Variants in LOXL2 observed in about 807,000 individuals in gnomAD.
The protein encoded by LOXL2 is lysyl oxidase like 2.
Under a neutral mutation model 93.0 loss-of-function variants are expected in LOXL2, and 70 were observed. That is an observed-to-expected ratio of 0.75 (90% confidence interval 0.62 to 0.92). The LOEUF is 0.92. Among genes scored for constraint, LOXL2 ranks in the 40% least tolerant of loss-of-function variants. The pLI is 0.00. For missense variants in LOXL2, 973 were observed against 1,054.9 expected (o/e 0.92, Z 1.08); for synonymous variants, 438 against 413.2 (o/e 1.06, Z -0.73).
intron 2 of LOXL2, 36 bp from the exon 3 acceptor site, chr8:23,360,301 C>T (rs779320998): frequency 1.2e-5 from 19 of 1,524,792 alleles, no homozygotes; most frequent in Admixed American, 3.7e-5. Flanking sequence ...CCAAGTGCTG[C>T]GTCAATGCAG....
In LOXL2 at chr8:23,341,213, A is replaced by C; in HGVS notation, c.532-10T>G. 2 of 1,609,530 alleles carry C rather than the reference A, an allele frequency of 1.2e-6. No homozygotes were observed. Among genetic ancestry groups the C allele is most frequent in the Non-Finnish European group, 1.7e-6 (2 of 1,176,978 alleles). The stretch of plus-strand genomic sequence containing the variant: ...CCTGGATATTCAGGTTCTGGGAAGA[A>C]AGAGGCGTGGAAGGAGAGGGTTACC... On this transcript the variant is annotated splice_polypyrimidine_tract_variant and intron_variant, in intron 3 of 13. Transcript: ENST00000389131.
chr8:23,319,767 C>T, intron 8 of LOXL2, 118 bp downstream of exon 8: 1 of 1,165,094 alleles, frequency 8.6e-7, no homozygotes, highest in South Asian at 1.5e-5. Context: ...TCCAGGGCAA[C>T]TTGCTCTGTC....
Position 23,348,750 on chromosome 8 carries a change from A to G in LOXL2, c.532-7547T>C, listed in dbSNP as rs183426803. Among the ~76,000 whole-genome samples, 322 of 151,840 alleles carry G rather than the reference A, an allele frequency of 2.1e-3. 4 individuals are homozygous for G. The highest frequency in any genetic ancestry group is 7.4e-3 in the African/African-American group (305 of 41,398). On this transcript the variant is annotated intron_variant, in intron 3 of 13. Coordinates refer to ENST00000389131, the MANE Select transcript of LOXL2 (RefSeq NM_002318.3). ...AATTTAGCTGGGCATGGTGGCGGGC[A>G]CCTGTAGTCCCAGCTACTCAGGAGG...
At chr8:23,369,410 C>T (rs575511511) in intron 1 of LOXL2, among the ~76,000 whole-genome samples, 1 of 151,958 alleles carries the variant, frequency 6.6e-6, no homozygotes, top group African/African-American at 2.4e-5. Context: ...GGGCCCCAAA[C>T]CAGGATGAGC....
At position 23,346,116 on chromosome 8, in the gene LOXL2, TTAAAATAAAA is replaced by T. The variant is rs1241283477; in HGVS notation, c.532-4923_532-4914del. 3.8e-4 allele frequency among the ~76,000 whole-genome samples: 9 copies of T among 23,792 alleles called. 1 individual carries two copies. Among genetic ancestry groups the T allele is most frequent in the Admixed American group, 8.2e-4 (2 of 2,434 alleles). The allele number at this position is 23,792 out of a possible 152,430, so 15.6% of individuals were successfully genotyped here. On this transcript the variant is annotated intron_variant, in intron 3 of 13. Coordinates refer to ENST00000389131, the MANE Select transcript of LOXL2 (RefSeq NM_002318.3). The stretch of plus-strand genomic sequence containing the variant: ...TAAAATAAAATAAAATAAAATAAAA[TTAAAATAAAA>T]TAAAATAAAATAAAATAAATAAAAT...
At chr8:23,382,235 C>CG (rs1554483609) in intron 1 of LOXL2, among the ~76,000 whole-genome samples, 1 of 152,040 alleles carries the variant, frequency 6.6e-6, no homozygotes, top group Non-Finnish European at 1.5e-5. Flanking sequence ...ATGCAATCAG[C>CG]GGCCAGGCAC....
At chr8:23,348,804 G>A (rs1804038412) in intron 3 of LOXL2, among the ~76,000 whole-genome samples, 1 of 152,056 alleles carries the variant, frequency 6.6e-6, no homozygotes, top group African/African-American at 2.4e-5. Flanking sequence ...ATGAACCCGG[G>A]AGGCGGAGCT....
At chr8:23,323,612 C>A (rs1803531581) in intron 6 of LOXL2, among the ~76,000 whole-genome samples, 1 of 68,834 alleles carries the variant, frequency 1.5e-5, no homozygotes, top group South Asian at 4.4e-4. Context: ...TAGGTTGAAT[C>A]CTTGGAGTGA....
At chr8:23,392,846 A>G (rs530283530) in intron 1 of LOXL2, among the ~76,000 whole-genome samples, 27 of 152,336 alleles carry the variant, frequency 1.8e-4, no homozygotes, top group Non-Finnish European at 3.8e-4. Context: ...TATCAAAACC[A>G]GTAAATGAGT....
chr8:23,356,659 A>C (rs1243759895), intron 3 of LOXL2, among the ~76,000 whole-genome samples: 2 of 152,202 alleles, frequency 1.3e-5, no homozygotes, highest in African/African-American at 4.8e-5. Context: ...AAGTTCCCTA[A>C]GTCTCTGTGG....
At chr8:23,391,291 A>T (rs73226424) in intron 1 of LOXL2, among the ~76,000 whole-genome samples, 18,511 of 152,244 alleles carry the variant, frequency 0.12, 1,390 homozygotes, top group Admixed American at 0.18. Context: ...GATAACACAT[A>T]ACAATTGGAA....
intron 7 of LOXL2, among the ~76,000 whole-genome samples, chr8:23,321,284 G>A (rs753338016): frequency 6.6e-6 from 1 of 150,766 alleles, no homozygotes; most frequent in African/African-American, 2.4e-5. Flanking sequence ...AGGCGTTAAG[G>A]CTTACCAGGC....
Position 23,322,067 on chromosome 8 carries a change from G to A in LOXL2, c.1302+63C>T, listed in dbSNP as rs567573146. ...GGTCACTTCCAGGGTTCACCCCAGAGCTCTGTGGCTATACTTTCTGCAGCC... is the reference window on the plus strand; with the variant it reads ...GGTCACTTCCAGGGTTCACCCCAGAACTCTGTGGCTATACTTTCTGCAGCC... On this transcript the variant is annotated intron_variant, in intron 7 of 13. Coordinates refer to ENST00000389131, the MANE Select transcript of LOXL2 (RefSeq NM_002318.3). The A allele has an allele frequency of 4.9e-5, 76 of 1,565,550 alleles. No homozygotes were observed. The South Asian group carries it at 8.0e-4, about 17-fold the overall frequency.
At chr8:23,315,005 G>C (rs1185148523) in intron 9 of LOXL2, among the ~76,000 whole-genome samples, 1 of 152,164 alleles carries the variant, frequency 6.6e-6, no homozygotes, top group African/African-American at 2.4e-5. Context: ...GCGAGCCCCT[G>C]GTCACGGAAG....
chr8:23,299,008 C>G, intron 12 of LOXL2, 61 bp from the exon 13 acceptor site: 1 of 1,000,498 alleles, frequency 1.0e-6, no homozygotes, highest in South Asian at 1.3e-5. Flanking sequence ...CCACCCAGGC[C>G]TGGGGCTCTG....
intron 1 of LOXL2, among the ~76,000 whole-genome samples, chr8:23,379,618 C>G (rs1450468507): frequency 6.7e-6 from 1 of 148,506 alleles, no homozygotes; most frequent in Non-Finnish European, 1.5e-5. Context: ...TGTTTACCTA[C>G]TCAAGCCTCA....
At chr8:23,323,032 T>C (rs1803520308) in intron 6 of LOXL2, among the ~76,000 whole-genome samples, 1 of 152,258 alleles carries the variant, frequency 6.6e-6, no homozygotes, top group African/African-American at 2.4e-5. Flanking sequence ...TGGAGACAGC[T>C]GGTATCCAGG....
At chr8:23,380,589 A>T (rs978986605) in intron 1 of LOXL2, among the ~76,000 whole-genome samples, 1 of 152,068 alleles carries the variant, frequency 6.6e-6, no homozygotes, top group South Asian at 2.1e-4. Flanking sequence ...GGATTGTAAC[A>T]TATTAAACCC....
Position 23,360,162 on chromosome 8 carries a change from A to G in LOXL2, c.459T>C (p.Asp153=). 1 of 1,614,098 alleles carries G rather than the reference A, an allele frequency of 6.2e-7. No individual in the cohort carries two copies. Among genetic ancestry groups the G allele is most frequent in the Admixed American group, 1.7e-5 (1 of 60,012 alleles). ...WGVTDCKHTE[D]VGVVCSDKRI... ...TTTTGTCGCTGCACACCACACCGAC[A>G]TCCTCCGTGTGCTTGCAGTCAGTGA... Residue 153 remains aspartate, a synonymous_variant, in exon 3 of 14, where the codon GAT becomes GAC. Transcript: ENST00000389131.
Sources: gnomAD v4.1 joint callset for allele counts (sites outside exome capture counted in the v4.1 genomes callset) on GRCh38, gnomAD v4.1.1 for gene constraint, MANE v1.5 for transcripts, NCBI Gene and HGNC (gene_info 2026-07-23, HGNC 2026-07-21) for gene names.